The following KLF12 variants were observed in gnomAD, a reference collection of about 807,000 sequenced individuals.
The protein encoded by KLF12 is Krueppel-like factor 12.
In KLF12, 9 loss-of-function variants were observed where a neutral mutation model predicts 37.8. That is an observed-to-expected ratio of 0.24 (90% CI 0.14 to 0.42). The LOEUF is 0.42. KLF12 is among the 10% of genes least tolerant of loss of function. The pLI, the probability that KLF12 is intolerant of heterozygous loss-of-function variation, is 1.00. For synonymous variants in KLF12, 208 were observed against 202.1 expected (o/e 1.03, Z -0.25); for missense variants, 411 against 516.0 (o/e 0.80, Z 1.97).
intron 2 of KLF12, among the ~76,000 whole-genome samples, chr13:73,987,190 T>A (rs1891846446): frequency 6.6e-6 from 1 of 152,122 alleles, no homozygotes. Flanking sequence ...AAAATCACAC[T>A]TCTTGAGTCA....
intron 1 of KLF12, among the ~76,000 whole-genome samples, chr13:74,056,445 T>A (rs1304432163): frequency 6.6e-6 from 1 of 152,226 alleles, no homozygotes; most frequent in Non-Finnish European, 1.5e-5. Flanking sequence ...CTTCATATGG[T>A]GTGTGATGAA....
intron 2 of KLF12, among the ~76,000 whole-genome samples, chr13:73,978,290 T>G (rs1891597027): frequency 6.6e-6 from 1 of 152,020 alleles, no homozygotes; most frequent in Non-Finnish European, 1.5e-5. Flanking sequence ...TGTAAAAAAA[T>G]GTCCCAAAGA....
At chr13:73,724,338 A>G (rs1418142690) in intron 6 of KLF12, among the ~76,000 whole-genome samples, 2 of 152,208 alleles carry the variant, frequency 1.3e-5, no homozygotes, top group Non-Finnish European at 2.9e-5. Flanking sequence ...GAGTTGAACA[A>G]TGAGAACACA....
chr13:73,980,017 C>T (rs943854546), intron 2 of KLF12, among the ~76,000 whole-genome samples: 9 of 152,302 alleles, frequency 5.9e-5, no homozygotes, highest in African/African-American at 1.9e-4. Flanking sequence ...AAAAAATCCA[C>T]CCTGCTGAGA....
Position 73,743,337 on chromosome 13 carries a change from CT to C in KLF12, c.869+21600del, listed in dbSNP as rs551834310. On this transcript the variant is annotated intron_variant, in intron 6 of 7. Coordinates refer to ENST00000377669, the MANE Select transcript of KLF12 (RefSeq NM_007249.5). ...TGCTAGGTGGTGGTGTTATTACTCA[CT>C]TTTACAGAATATTGACAGAGGGGTT... 3.2e-4 allele frequency among the ~76,000 whole-genome samples: 48 copies of C among 152,308 alleles called. 2 individuals carry two copies. In the South Asian group the frequency reaches 9.7e-3, roughly 31 times the overall value.
intron 2 of KLF12, among the ~76,000 whole-genome samples, chr13:73,972,418 G>A (rs898589601): frequency 1.3e-5 from 2 of 151,726 alleles, no homozygotes; most frequent in East Asian, 1.9e-4. Flanking sequence ...TTATAACAGC[G>A]TGGTGGTTCC....
chr13:73,877,466 C>G (rs974644505), intron 3 of KLF12, among the ~76,000 whole-genome samples: 5 of 152,050 alleles, frequency 3.3e-5, no homozygotes. Flanking sequence ...CAAAACTGTC[C>G]TTATTTTTGT....
the KLF12 span, among the ~76,000 whole-genome samples, chr13:74,283,244 G>A: frequency 1.3e-5 from 2 of 152,080 alleles, no homozygotes; most frequent in Admixed American, 6.6e-5. Flanking sequence ...TTTAATACTT[G>A]CTATATATTT....
intron 2 of KLF12, 137 bp from the exon 3 acceptor site, chr13:73,944,207 A>G: frequency 1.6e-6 from 1 of 633,070 alleles, no homozygotes; most frequent in Non-Finnish European, 2.8e-6. Context: ...TTAAATGAAA[A>G]TATCAGCATA....
At chr13:74,036,195 T>A (rs868751000) in intron 1 of KLF12, among the ~76,000 whole-genome samples, 4 of 152,282 alleles carry the variant, frequency 2.6e-5, no homozygotes, top group South Asian at 4.1e-4. Flanking sequence ...CAACAATGTA[T>A]CCTCTCCATA....
rs1873981814 is a variant in KLF12 at position 73,694,236 on chromosome 13, G to A, written c.*1254C>T. 6.6e-6 allele frequency: 1 copy of A among 152,500 alleles called. No individual in the cohort carries two copies. The highest frequency in any genetic ancestry group is 1.5e-5 in the Non-Finnish European group (1 of 68,020). The allele number at this position is 152,500 out of a possible 1,614,324, so 9.4% of individuals were successfully genotyped here. The stretch of plus-strand genomic sequence containing the variant: ...CCCATTAACCGAAGAGTTAATTCCC[G>A]GCTATGCCTCCCTTGCCTTTCTAGT... On this transcript the variant is annotated 3_prime_UTR_variant, in exon 8 of 8. Transcript: ENST00000377669.
intron 1 of KLF12, among the ~76,000 whole-genome samples, chr13:74,025,412 C>G (rs1010231583): frequency 6.6e-6 from 1 of 152,038 alleles, no homozygotes; most frequent in Non-Finnish European, 1.5e-5. Context: ...GAAGAAGTCT[C>G]TGTTGCTAAT....
At chr13:73,817,001 G>T (rs1883259280) in intron 4 of KLF12, among the ~76,000 whole-genome samples, 2 of 152,150 alleles carry the variant, frequency 1.3e-5, no homozygotes, top group Non-Finnish European at 2.9e-5. Flanking sequence ...CTGACTCACA[G>T]AATTTGAGCA....
chr13:74,069,201 C>A (rs562698590), intron 1 of KLF12, among the ~76,000 whole-genome samples: 1 of 152,214 alleles, frequency 6.6e-6, no homozygotes, highest in South Asian at 2.1e-4. Context: ...CCCAACCAAA[C>A]ACAAATGAAA....
At chr13:73,707,851 A>G (rs1875064016) in intron 7 of KLF12, among the ~76,000 whole-genome samples, 1 of 152,204 alleles carries the variant, frequency 6.6e-6, no homozygotes, top group South Asian at 2.1e-4. Flanking sequence ...GAAGCAAGAA[A>G]TACTGGAATA....
intron 1 of KLF12, among the ~76,000 whole-genome samples, chr13:73,997,229 T>C (rs1378800373): frequency 6.6e-6 from 1 of 152,150 alleles, no homozygotes; most frequent in East Asian, 1.9e-4. Flanking sequence ...AGAAGACCTG[T>C]CTGTCCCTAG....
At chr13:73,929,586 T>A (rs1285904517) in intron 3 of KLF12, among the ~76,000 whole-genome samples, 1 of 152,186 alleles carries the variant, frequency 6.6e-6, no homozygotes, top group Non-Finnish European at 1.5e-5. Context: ...AGAGACACTT[T>A]TTCAAATATC....
intron 4 of KLF12, among the ~76,000 whole-genome samples, chr13:73,840,029 A>T (rs1566407621): frequency 6.6e-6 from 1 of 152,062 alleles, no homozygotes; most frequent in Admixed American, 6.5e-5. Context: ...CTCACCTCTC[A>T]TCTGAACACC....
chr13:74,129,391 A>G (rs923590814), intron 1 of KLF12, among the ~76,000 whole-genome samples: 2 of 152,230 alleles, frequency 1.3e-5, no homozygotes, highest in African/African-American at 2.4e-5. Context: ...GTGAAAGGCC[A>G]TATATACTGA....
Sources: gnomAD v4.1 joint callset for allele counts (sites outside exome capture counted in the v4.1 genomes callset) on GRCh38, gnomAD v4.1.1 for gene constraint, MANE v1.5 for transcripts, NCBI Gene and HGNC (gene_info 2026-07-23, HGNC 2026-07-21) for gene names.